CSMD2: variants seen among roughly 807,000 people sequenced by gnomAD.
CSMD2 encodes the protein CUB and sushi domain-containing protein 2.
Under a neutral mutation model 398.5 loss-of-function variants are expected in CSMD2, and 130 were observed. The observed-to-expected ratio is 0.33, with a 90% CI of 0.28 to 0.38. The LOEUF (loss-of-function observed/expected upper bound fraction) is 0.38. Ranked by LOEUF, CSMD2 falls within the 10% of genes least tolerant of loss-of-function variation. CSMD2 has a pLI of 1.00. For missense variants in CSMD2, 3,829 were observed against 4,764.9 expected (o/e 0.80, Z 5.78); for synonymous variants, 1,828 against 1,908.5 (o/e 0.96, Z 1.10).
At chr1:34,143,632 T>G (rs1639506221) in intron 1 of CSMD2, among the ~76,000 whole-genome samples, 1 of 152,122 alleles carries the variant, frequency 6.6e-6, no homozygotes, top group Non-Finnish European at 1.5e-5. Context: ...GAACCCAGCA[T>G]GGTATCTGGC....
intron 10 of CSMD2, 68 bp from the exon 11 acceptor site, chr1:33,792,594 AG>A: frequency 1.9e-6 from 2 of 1,037,144 alleles, no homozygotes; most frequent in Non-Finnish European, 3.1e-6. Context: ...CCTTGAGGGG[AG>A]GAAGGATTTT....
intron 1 of CSMD2, among the ~76,000 whole-genome samples, chr1:34,152,885 T>C (rs1243802019): frequency 6.6e-6 from 1 of 152,082 alleles, no homozygotes; most frequent in Non-Finnish European, 1.5e-5. Flanking sequence ...TAACTCCCCA[T>C]CTCTCCCTCC....
intron 2 of CSMD2, among the ~76,000 whole-genome samples, chr1:34,059,248 G>A (rs6425872): frequency 0.3 from 45,538 of 152,000 alleles, 7,370 homozygotes; most frequent in African/African-American, 0.4. Flanking sequence ...CCAGTGACCA[G>A]CAAAAGCTAC....
chr1:33,525,166 G>T, intron 65 of CSMD2, 123 bp from the exon 66 acceptor site: 1 of 1,028,670 alleles, frequency 9.7e-7, no homozygotes, highest in Non-Finnish European at 1.5e-6. Context: ...TCTACCATGT[G>T]AGGAAGGTGG....
At chr1:33,950,005 C>T (rs1644953895) in intron 3 of CSMD2, among the ~76,000 whole-genome samples, 1 of 152,266 alleles carries the variant, frequency 6.6e-6, no homozygotes, top group South Asian at 2.1e-4. Context: ...ATCATCCAGC[C>T]AGCCATCCAA....
chr1:34,081,554 G>A (rs548045488), intron 2 of CSMD2, among the ~76,000 whole-genome samples: 1 of 152,280 alleles, frequency 6.6e-6, no homozygotes, highest in South Asian at 2.1e-4. Context: ...GAGTGCCTGG[G>A]ATCGCAGGCG....
chr1:33,593,422 C>A (rs1269520766), intron 44 of CSMD2, among the ~76,000 whole-genome samples: 1 of 152,222 alleles, frequency 6.6e-6, no homozygotes, highest in Non-Finnish European at 1.5e-5. Context: ...ATTGGACTTA[C>A]AATTCCACGT....
intron 47 of CSMD2, among the ~76,000 whole-genome samples, chr1:33,581,646 C>T (rs765280853): frequency 6.6e-5 from 10 of 151,560 alleles, no homozygotes; most frequent in African/African-American, 9.7e-5. Context: ...TGTCATGTCT[C>T]GGGGTCATAA....
At chr1:33,693,990 T>C (rs1415028502) in intron 24 of CSMD2, among the ~76,000 whole-genome samples, 1 of 150,920 alleles carries the variant, frequency 6.6e-6, no homozygotes, top group Non-Finnish European at 1.5e-5. Flanking sequence ...ACCCAGGAGG[T>C]GGAGGTTGTG....
intron 2 of CSMD2, among the ~76,000 whole-genome samples, chr1:34,046,831 G>A (rs1055684054): frequency 2.5e-4 from 38 of 152,136 alleles, no homozygotes; most frequent in African/African-American, 9.2e-4. Flanking sequence ...TCACTCTCGA[G>A]GGATTTACCC....
chr1:33,888,896 T>C lies in CSMD2; in HGVS notation c.920+29198A>G, dbSNP rs554395199. On this transcript the variant is annotated intron_variant, in intron 5 of 70. Transcript: ENST00000373381. ...CATTCTCCTGCCTCAGCCTCCCTAG[T>C]AGCTGGGACTATAGGCGCCCGCCAC... 4.8e-3 allele frequency among the ~76,000 whole-genome samples: 738 copies of C among 152,192 alleles called. 5 individuals are homozygous for C. Among genetic ancestry groups the C allele is most frequent in the African/African-American group, 0.017 (700 of 41,530 alleles).
At chr1:33,800,731 A>G (rs1157769698) in intron 10 of CSMD2, among the ~76,000 whole-genome samples, 1 of 152,120 alleles carries the variant, frequency 6.6e-6, no homozygotes, top group African/African-American at 2.4e-5. Context: ...AGCAACAGAG[A>G]AGGTGTGTGG....
chr1:33,545,967 A>G (rs1018803659), intron 57 of CSMD2, 70 bp downstream of exon 57: 14 of 1,467,016 alleles, frequency 9.5e-6, no homozygotes, highest in Non-Finnish European at 1.3e-5. Flanking sequence ...GTGCCTGGGA[A>G]TAAGAGCAGG....
intron 27 of CSMD2, among the ~76,000 whole-genome samples, chr1:33,657,632 T>C (rs1039531621): frequency 1.3e-5 from 2 of 152,230 alleles, no homozygotes; most frequent in Non-Finnish European, 2.9e-5. Flanking sequence ...TTACCCAAGA[T>C]GACCCACTGT....
At chr1:33,907,369 C>T (rs1035709900) in intron 5 of CSMD2, among the ~76,000 whole-genome samples, 52 of 151,946 alleles carry the variant, frequency 3.4e-4, no homozygotes, top group African/African-American at 9.9e-4. Flanking sequence ...CCTCGTGATC[C>T]GCCCACCTCG....
intron 25 of CSMD2, 55 bp from the exon 26 acceptor site, chr1:33,663,147 C>T (rs1571137033): frequency 3.3e-6 from 5 of 1,500,850 alleles, no homozygotes; most frequent in Admixed American, 1.7e-5. Context: ...TTTCCAGGGG[C>T]TTCTGGTCAG....
chr1:34,094,603 G>A (rs913525406), intron 1 of CSMD2, among the ~76,000 whole-genome samples: 2 of 152,128 alleles, frequency 1.3e-5, no homozygotes, highest in African/African-American at 4.8e-5. Flanking sequence ...GGCAGGGGTT[G>A]CAATCCTAGT....
chr1:33,630,512 G>T (rs1474301758), intron 32 of CSMD2, among the ~76,000 whole-genome samples: 1 of 152,192 alleles, frequency 6.6e-6, no homozygotes, highest in Non-Finnish European at 1.5e-5. Flanking sequence ...CAAGTATTGT[G>T]CCTTAAGTCA....
rs772291309 is a variant in CSMD2 at position 33,633,929 on chromosome 1, C to T, written c.5087-394G>A. Among the ~76,000 whole-genome samples, 1 of 152,188 alleles carries T rather than the reference C, an allele frequency of 6.6e-6. No individual in the cohort carries two copies. On this transcript the variant is annotated intron_variant, in intron 31 of 70. Coordinates refer to ENST00000373381, the MANE Select transcript of CSMD2 (RefSeq NM_001281956.2). This position sits in a 1 kb window ranked among gnomAD's most constrained non-coding sequence, Gnocchi z 5.0. The stretch of plus-strand genomic sequence containing the variant: ...GCGATGTCAGGACCCCACATTCATG[C>T]GTCCCAACGTCAGTTAGTCAGTGTC...
Sources: allele counts gnomAD v4.1 joint callset (sites outside exome capture counted in the v4.1 genomes callset), GRCh38; gene constraint gnomAD v4.1.1; non-coding constraint Gnocchi (gnomAD v3.1); transcripts MANE v1.5; gene names NCBI Gene and HGNC (gene_info 2026-07-23, HGNC 2026-07-21).